Variants in ZNF771 observed in about 807,000 individuals in gnomAD.
The protein encoded by ZNF771 is zinc finger protein 771.
Under a neutral mutation model 27.6 loss-of-function variants are expected in ZNF771, and 10 were observed. The observed-to-expected ratio is 0.36, with a 90% CI of 0.22 to 0.61. The LOEUF (loss-of-function observed/expected upper bound fraction) is 0.61. ZNF771 is among the 20% of genes least tolerant of loss of function. The pLI is 0.70. For missense variants in ZNF771, 438 were observed against 503.7 expected, an observed-to-expected ratio of 0.87 and a Z score of 1.25; for synonymous variants, 261 against 225.2, an observed-to-expected ratio of 1.16 and a Z score of -1.43.
rs1195277220 is a variant in ZNF771, at chr16:30,418,907, A to G, written c.*540A>G. On this transcript the variant is annotated 3_prime_UTR_variant, in exon 3 of 3. Coordinates refer to ENST00000319296, the MANE Select transcript of ZNF771 (RefSeq NM_001142305.2). The stretch of plus-strand genomic sequence containing the variant: ...TAGTGAAGGAGAGAAAACTGTAATA[A>G]CACTACGTTAAAGGTTTTAACTGCT... 2 of 153,310 alleles carry G rather than the reference A, an allele frequency of 1.3e-5. No individual in the cohort carries two copies. The highest frequency in any genetic ancestry group is 4.8e-5 in the African/African-American group (2 of 41,480). 9.5% of individuals were successfully genotyped at this position (153,310 alleles called of 1,614,324 possible). A position where few individuals can be genotyped will look rare whatever the true frequency, so the allele number is the denominator to read the frequency against.
At position 30,418,267 on chromosome 16, in the gene ZNF771, G is replaced by T; in HGVS notation, c.854G>T (p.Arg285Leu). 6.6e-7 allele frequency: 1 copy of T among 1,511,368 alleles called. No individual in the cohort carries two copies. Among genetic ancestry groups the T allele is most frequent in the Non-Finnish European group, 8.8e-7 (1 of 1,136,750 alleles). 93.6% of individuals were successfully genotyped at this position (1,511,368 alleles called of 1,614,324 possible). The change falls in exon 3 of 3, where the codon CGC (arginine) becomes CTC (leucine). Residue 285 changes from arginine (R) to leucine (L), a missense_variant. Transcript: ENST00000319296. ...CACCGACGCGCGCACATGCGGCGCC[G>T]CCTGTATATTTGCGCCGGCTGCGGC... The part of the protein sequence containing the change: ...IRHRRAHMRR[R>L]LYICAGCGRD...
chr16:30,407,864 C>T lies in ZNF771; in HGVS notation c.-9-181C>T, dbSNP rs1383438391. Among the ~76,000 whole-genome samples, 3 of 151,266 alleles carry T rather than the reference C, an allele frequency of 2.0e-5. No homozygotes were observed. The East Asian group carries it at 5.9e-4, about 30-fold the overall frequency. ...GTGAACGCGAGCCCTCGGAGCTGGT[C>T]CCGGGGCTGTGCCAGAGCGTGGGGC... On this transcript the variant is annotated intron_variant, in intron 1 of 2. Transcript: ENST00000319296.
At position 30,418,191 on chromosome 16, in the gene ZNF771, C is replaced by G; in HGVS notation, c.778C>G (p.Pro260Ala). The G allele has an allele frequency of 6.6e-7, 1 of 1,504,858 alleles. No individual in the cohort carries two copies. Among genetic ancestry groups the G allele is most frequent in the South Asian group, 1.2e-5 (1 of 80,358 alleles). 93.2% of individuals were successfully genotyped at this position (1,504,858 alleles called of 1,614,324 possible). A position where few individuals can be genotyped will look rare whatever the true frequency, so the allele number is the denominator to read the frequency against. ...ARTHTGERPY[P>A]CAECGRRFRL... Reference sequence around the variant, plus strand: ...CACGCACACAGGCGAGCGGCCCTACCCCTGCGCCGAGTGCGGCCGCCGCTT... The same window carrying G: ...CACGCACACAGGCGAGCGGCCCTACGCCTGCGCCGAGTGCGGCCGCCGCTT... Residue 260 changes from proline to alanine, a missense_variant, in exon 3 of 3, where the codon CCC becomes GCC. Physicochemically the swap from Pro to Ala is conservative, Grantham distance 27. Coordinates refer to ENST00000319296, the MANE Select transcript of ZNF771 (RefSeq NM_001142305.2).
intron 2 of ZNF771, among the ~76,000 whole-genome samples, chr16:30,409,611 A>G (rs2050093746): frequency 6.6e-6 from 1 of 152,182 alleles, no homozygotes; most frequent in Non-Finnish European, 1.5e-5. Context: ...CTTCCTGCCC[A>G]GGAGCCAGTT....
At chr16:30,414,792 T>C (rs993321361) in intron 2 of ZNF771, among the ~76,000 whole-genome samples, 3 of 145,630 alleles carry the variant, frequency 2.1e-5, no homozygotes, top group Admixed American at 2.0e-4. Context: ...TACAGGCACC[T>C]GCCACCACGC....
rs775292310 is a variant in ZNF771, at chr16:30,419,120, C to T, written c.*753C>T. 6.6e-6 allele frequency: 1 copy of T among 152,154 alleles called. No homozygotes were observed. Among genetic ancestry groups the T allele is most frequent in the Non-Finnish European group, 1.5e-5 (1 of 68,106 alleles). The allele number at this position is 152,154 out of a possible 1,614,324, so 9.4% of individuals were successfully genotyped here. ...GTGTGGTGGCGGGCGCCTGTAATCC[C>T]AGCTACTGAGGGGGCTGAGGCATGA... On this transcript the variant is annotated 3_prime_UTR_variant, in exon 3 of 3. Coordinates refer to ENST00000319296, the MANE Select transcript of ZNF771 (RefSeq NM_001142305.2).
chr16:30,417,450 C>T, intron 2 of ZNF771, 105 bp from the exon 3 acceptor site: 1 of 774,734 alleles, frequency 1.3e-6, no homozygotes, highest in Non-Finnish European at 1.7e-6. Context: ...TTTCCTATTT[C>T]ATAGATGGGG....
intron 2 of ZNF771, among the ~76,000 whole-genome samples, chr16:30,417,139 T>G (rs2050138545): frequency 6.6e-6 from 1 of 152,178 alleles, no homozygotes; most frequent in Non-Finnish European, 1.5e-5. Context: ...CTCTGTCACC[T>G]CCTTTAAGTC....
chr16:30,408,288 T>C, intron 2 of ZNF771, 94 bp downstream of exon 2: 1 of 1,555,818 alleles, frequency 6.4e-7, no homozygotes, highest in Non-Finnish European at 8.8e-7. Flanking sequence ...GCCCCTACTT[T>C]TCCCAGAATC....
At chr16:30,411,070 G>C (rs957964451) in intron 2 of ZNF771, among the ~76,000 whole-genome samples, 4 of 151,698 alleles carry the variant, frequency 2.6e-5, no homozygotes, top group African/African-American at 9.7e-5. Context: ...TGTAATCCCA[G>C]CACTTTGGGA....
chr16:30,414,883 G>C (rs1183336740), intron 2 of ZNF771, among the ~76,000 whole-genome samples: 2 of 145,682 alleles, frequency 1.4e-5, no homozygotes, highest in Admixed American at 1.4e-4. Flanking sequence ...CTGACCTTGT[G>C]ATCTGCCCAC....
At position 30,416,724 on chromosome 16, in the gene ZNF771, A is replaced by T. The variant is rs148983772; in HGVS notation, c.142-831A>T. Among the ~76,000 whole-genome samples, 92 of 152,154 alleles carry T rather than the reference A, an allele frequency of 6.0e-4. 1 individual carries two copies. Among genetic ancestry groups the T allele is most frequent in the African/African-American group, 2.1e-3 (89 of 41,498 alleles). ...CTGAGGGGAGCCTTTTTAAATGTGT[A>T]GGATATGGTCACTTCCCTGCTCAAA... On this transcript the variant is annotated intron_variant, in intron 2 of 2. Transcript: ENST00000319296.
chr16:30,409,953 C>G (rs2050095314), intron 2 of ZNF771, among the ~76,000 whole-genome samples: 1 of 152,184 alleles, frequency 6.6e-6, no homozygotes. Flanking sequence ...GCACCTACAT[C>G]TTGGAGTTGT....
At chr16:30,409,588 C>CG (rs1195325651) in intron 2 of ZNF771, among the ~76,000 whole-genome samples, 1 of 152,144 alleles carries the variant, frequency 6.6e-6, no homozygotes, top group Admixed American at 6.5e-5. Flanking sequence ...TTGCAGGGGC[C>CG]GGGACTCTGA....
At chr16:30,410,856 C>CAAAA (rs71149015) in intron 2 of ZNF771, among the ~76,000 whole-genome samples, 9 of 27,368 alleles carry the variant, frequency 3.3e-4, no homozygotes, top group African/African-American at 3.4e-4. Flanking sequence ...CTCATCTCTA[C>CAAAA]AAAAAAAAAA....
At chr16:30,408,021 T>C (rs754929448) in intron 1 of ZNF771, 24 bp from the exon 2 acceptor site, 1 of 1,352,286 alleles carries the variant, frequency 7.4e-7, no homozygotes. Context: ...GGTCCTGAGC[T>C]TCTGATCCAG....
chr16:30,417,493 G>A (rs751014822), intron 2 of ZNF771, 62 bp from the exon 3 acceptor site: 13 of 1,122,022 alleles, frequency 1.2e-5, no homozygotes, highest in East Asian at 1.1e-4. Context: ...AGCCTGTGGA[G>A]ACCCAGGTCT....
chr16:30,413,593 G>A (rs1451518725), intron 2 of ZNF771: 8 of 433,766 alleles, frequency 1.8e-5, no homozygotes, highest in African/African-American at 4.0e-5. Flanking sequence ...TTAGAGACAC[G>A]ATCTCGCTTT....
intron 2 of ZNF771, among the ~76,000 whole-genome samples, chr16:30,412,461 G>A (rs1235995811): frequency 6.6e-6 from 1 of 152,214 alleles, no homozygotes; most frequent in Non-Finnish European, 1.5e-5. Context: ...GAGACAAGCT[G>A]TGTAAGTGGC....
Sources: gnomAD v4.1 joint callset for allele counts (sites outside exome capture counted in the v4.1 genomes callset) on GRCh38, gnomAD v4.1.1 for gene constraint, MANE v1.5 for transcripts, NCBI Gene and HGNC (gene_info 2026-07-23, HGNC 2026-07-21) for gene names.